BTBD9: variants seen among roughly 807,000 people sequenced by gnomAD.
BTBD9 encodes BTB domain containing 9, also known as BTB/POZ domain-containing protein 9.
BTBD9 carries 49 observed loss-of-function variants against 64.3 expected under a neutral mutation model. The ratio of observed to expected loss-of-function variants is 0.76; its 90% CI spans 0.61 to 0.97. The LOEUF (loss-of-function observed/expected upper bound fraction) is 0.97. Ranked by LOEUF, BTBD9 falls within the 50% of genes least tolerant of loss-of-function variation. The pLI, the probability that BTBD9 is intolerant of heterozygous loss-of-function variation, is 0.00. For missense variants in BTBD9, 598 were observed against 762.1 expected (o/e 0.78, Z 2.53); for synonymous variants, 260 against 274.7 (o/e 0.95, Z 0.53).
chr6:38,275,614 A>G (rs1355308512), intron 8 of BTBD9, among the ~76,000 whole-genome samples: 22 of 151,716 alleles, frequency 1.5e-4, no homozygotes, highest in Non-Finnish European at 2.8e-4. Context: ...CAAAGGGCTA[A>G]TATCCAGAAT....
intron 6 of BTBD9, among the ~76,000 whole-genome samples, chr6:38,389,532 T>C (rs545330481): frequency 6.6e-6 from 1 of 152,230 alleles, no homozygotes; most frequent in Non-Finnish European, 1.5e-5. Flanking sequence ...CTGACTATGC[T>C]TTACAGTCAC....
chr6:38,487,622 A>AGAGAGAGAGAGAGG (rs1771515882), intron 6 of BTBD9, among the ~76,000 whole-genome samples: 1 of 147,992 alleles, frequency 6.8e-6, no homozygotes, highest in African/African-American at 2.5e-5. Flanking sequence ...AGAGAGAGAG[A>AGAGAGAGAGAGAGG]GAAGGAAGGA....
chr6:38,484,921 T>C (rs530313447), intron 6 of BTBD9, among the ~76,000 whole-genome samples: 108 of 152,318 alleles, frequency 7.1e-4, no homozygotes, highest in African/African-American at 2.4e-3. Context: ...AAGACAATGA[T>C]GAAGTCTGCT....
At chr6:38,324,764 T>C (rs1207089912) in intron 7 of BTBD9, among the ~76,000 whole-genome samples, 1 of 152,210 alleles carries the variant, frequency 6.6e-6, no homozygotes, top group Non-Finnish European at 1.5e-5. Context: ...AAATTAAATA[T>C]GTGCATACTT....
At chr6:38,276,196 G>T (rs1304991448) in intron 8 of BTBD9, among the ~76,000 whole-genome samples, 1 of 152,166 alleles carries the variant, frequency 6.6e-6, no homozygotes, top group African/African-American at 2.4e-5. Context: ...CATGTCCTTT[G>T]TAGGGACATG....
chr6:38,620,409 C>T (rs1276865355), intron 1 of BTBD9, among the ~76,000 whole-genome samples: 6 of 152,208 alleles, frequency 3.9e-5, no homozygotes, highest in Non-Finnish European at 5.9e-5. Context: ...ACAGACCACA[C>T]GTCCCAATTT....
chr6:38,442,619 G>A (rs1378958610), intron 6 of BTBD9, among the ~76,000 whole-genome samples: 1 of 145,522 alleles, frequency 6.9e-6, no homozygotes, highest in Non-Finnish European at 1.5e-5. Flanking sequence ...CTCCTGTGAA[G>A]AAGGAAAGTT....
chr6:38,259,421 A>G lies in BTBD9; in HGVS notation c.1455-2905T>C, dbSNP rs115639336. ...TTTTTTGTTGTTGGGGAAGGTTGGG[A>G]GGACAGCTTCTCTCTCTGTTGCCCA... On this transcript the variant is annotated intron_variant, in intron 8 of 10. Transcript: ENST00000481247. 8.4e-3 allele frequency among the ~76,000 whole-genome samples: 1,277 copies of G among 152,094 alleles called. 12 individuals are homozygous for G. Among genetic ancestry groups the G allele is most frequent in the East Asian group, 0.031 (158 of 5,164 alleles).
intron 8 of BTBD9, among the ~76,000 whole-genome samples, chr6:38,273,511 A>T (rs1765264945): frequency 6.6e-6 from 1 of 152,190 alleles, no homozygotes; most frequent in Non-Finnish European, 1.5e-5. Flanking sequence ...AGATAATGAC[A>T]TGCAATTTAA....
chr6:38,480,167 G>A (rs573082856), intron 6 of BTBD9, among the ~76,000 whole-genome samples: 1 of 152,332 alleles, frequency 6.6e-6, no homozygotes, highest in Non-Finnish European at 1.5e-5. Flanking sequence ...TTTGGAAACA[G>A]ATAAACGTAG....
chr6:38,209,323 T>G (rs1267204468), intron 9 of BTBD9, among the ~76,000 whole-genome samples: 1 of 152,190 alleles, frequency 6.6e-6, no homozygotes, highest in Non-Finnish European at 1.5e-5. Flanking sequence ...TTCAAAATTC[T>G]TTGCGGATTT....
At chr6:38,298,101 C>T (rs1195527784) in intron 7 of BTBD9, among the ~76,000 whole-genome samples, 8 of 151,722 alleles carry the variant, frequency 5.3e-5, no homozygotes, top group African/African-American at 1.7e-4. Flanking sequence ...GTGATCTGCC[C>T]GCCTCGGCCT....
intron 6 of BTBD9, among the ~76,000 whole-genome samples, chr6:38,445,653 T>C (rs1455755704): frequency 2.0e-5 from 3 of 152,210 alleles, no homozygotes; most frequent in African/African-American, 7.2e-5. Flanking sequence ...GGGTTATCTG[T>C]ATCATCACAG....
chr6:38,592,803 G>A lies in BTBD9; in HGVS notation c.587C>T (p.Ala196Val), dbSNP rs756329162. The A allele has an allele frequency of 3.7e-6, 6 of 1,614,152 alleles. No homozygotes were observed. In the East Asian group the frequency reaches 1.1e-4, roughly 30 times the overall value. ...TAGGAAAATATCTTTTTCGGGAGCT[G>A]CAAATGAGTCTCTTAACACGATGTT... ...LLNIVLRDSF[A>V]APEKDIFLAL... Residue 196 changes from alanine to valine, a missense_variant, in exon 4 of 11, where the codon GCA becomes GTA. Transcript: ENST00000481247.
rs1768392890 is a variant in BTBD9, at chr6:38,430,396, T to C, written c.1155-85303A>G. On this transcript the variant is annotated intron_variant, in intron 6 of 10. Transcript: ENST00000481247. ...CACACCACACCCAACTTATGTTTTA[T>C]GGGTTTTGTTTAGAGACAGGGTCTC... Among the ~76,000 whole-genome samples, 2 of 151,582 alleles carry C rather than the reference T, an allele frequency of 1.3e-5. 1 individual carries two copies. Among genetic ancestry groups the C allele is most frequent in the African/African-American group, 4.9e-5 (2 of 41,024 alleles).
chr6:38,386,352 A>G (rs919741567), intron 6 of BTBD9, among the ~76,000 whole-genome samples: 3 of 152,158 alleles, frequency 2.0e-5, no homozygotes, highest in African/African-American at 7.2e-5. Flanking sequence ...TTCAATTTAA[A>G]CGGAATAAAT....
intron 2 of BTBD9, among the ~76,000 whole-genome samples, chr6:38,596,246 C>T (rs1430989987): frequency 6.6e-6 from 1 of 152,144 alleles, no homozygotes; most frequent in Admixed American, 6.5e-5. Flanking sequence ...AGACTCTGAG[C>T]TTAGCTTAGT....
chr6:38,432,268 A>G (rs1742563629), intron 6 of BTBD9, among the ~76,000 whole-genome samples: 1 of 152,062 alleles, frequency 6.6e-6, no homozygotes, highest in Non-Finnish European at 1.5e-5. Flanking sequence ...TAGTTCTGAA[A>G]CTGCCTTTGC....
chr6:38,221,777 G>A (rs1395327357), intron 9 of BTBD9, among the ~76,000 whole-genome samples: 2 of 152,210 alleles, frequency 1.3e-5, no homozygotes, highest in East Asian at 3.8e-4. Context: ...CGAATCACAA[G>A]GTTAGGAGTT....
Sources: allele counts gnomAD v4.1 joint callset (sites outside exome capture counted in the v4.1 genomes callset), GRCh38; gene constraint gnomAD v4.1.1; transcripts MANE v1.5; gene names NCBI Gene and HGNC (gene_info 2026-07-23, HGNC 2026-07-21).